GRM7: variants seen among roughly 807,000 people sequenced by gnomAD.
GRM7 encodes metabotropic glutamate receptor 7.
In GRM7, 35 loss-of-function variants were observed where a neutral mutation model predicts 84.5. The observed-to-expected ratio is 0.41, with a 90% confidence interval of 0.32 to 0.55. The LOEUF (loss-of-function observed/expected upper bound fraction) is 0.55, where lower values mean the gene tolerates loss of function less well. Among genes scored for constraint, GRM7 ranks in the 20% least tolerant of loss-of-function variants. The pLI is 0.19. For missense variants in GRM7, 1,003 were observed against 1,194.6 expected (o/e 0.84, Z 2.36); for synonymous variants, 487 against 455.1 (o/e 1.07, Z -0.89).
At chr3:7,212,064 A>G (rs1696449255) in intron 2 of GRM7, among the ~76,000 whole-genome samples, 1 of 151,740 alleles carries the variant, frequency 6.6e-6, no homozygotes, top group South Asian at 2.1e-4. Flanking sequence ...CTCAGCCTTT[A>G]CTTCACTGAC....
intron 8 of GRM7, among the ~76,000 whole-genome samples, chr3:7,622,010 C>T (rs915693635): frequency 2.0e-5 from 3 of 152,180 alleles, no homozygotes; most frequent in Non-Finnish European, 4.4e-5. Flanking sequence ...TGTACGTCTA[C>T]ATCCATTATC....
chr3:7,405,362 C>T (rs1695629101), intron 4 of GRM7, among the ~76,000 whole-genome samples: 1 of 152,062 alleles, frequency 6.6e-6, no homozygotes, highest in Non-Finnish European at 1.5e-5. Flanking sequence ...TTATAATTGA[C>T]ACATAATACT....
chr3:6,912,043 A>T (rs1696788826), intron 1 of GRM7, among the ~76,000 whole-genome samples: 1 of 152,128 alleles, frequency 6.6e-6, no homozygotes. Flanking sequence ...CCCTCTCCCA[A>T]CCATGTTCCA....
At chr3:7,589,015 T>A (rs567422343) in intron 8 of GRM7, among the ~76,000 whole-genome samples, 69 of 152,318 alleles carry the variant, frequency 4.5e-4, no homozygotes, top group African/African-American at 1.6e-3. Context: ...AGGCCAGATA[T>A]TTAGGCTGGC....
At chr3:7,483,123 G>C (rs1263271246) in intron 7 of GRM7, among the ~76,000 whole-genome samples, 1 of 152,104 alleles carries the variant, frequency 6.6e-6, no homozygotes, top group Non-Finnish European at 1.5e-5. Flanking sequence ...GATATTCATT[G>C]AACAACTACT....
chr3:7,308,737 A>G (rs1470127867), intron 4 of GRM7, among the ~76,000 whole-genome samples: 1 of 152,078 alleles, frequency 6.6e-6, no homozygotes, highest in Non-Finnish European at 1.5e-5. Flanking sequence ...ATTCAAGGAA[A>G]ACGAAGAACT....
intron 7 of GRM7, among the ~76,000 whole-genome samples, chr3:7,508,834 G>C (rs1010131299): frequency 7.2e-5 from 11 of 152,126 alleles, no homozygotes; most frequent in Admixed American, 2.6e-4. Context: ...CTTGCTATGA[G>C]TCCAGCACCA....
chr3:7,382,094 T>G (rs1476336407), intron 4 of GRM7, among the ~76,000 whole-genome samples: 1 of 152,216 alleles, frequency 6.6e-6, no homozygotes, highest in Non-Finnish European at 1.5e-5. Context: ...TATGAAATTC[T>G]TTATAATGAT....
At chr3:7,153,531 A>C (rs1407830018) in intron 2 of GRM7, among the ~76,000 whole-genome samples, 1 of 152,196 alleles carries the variant, frequency 6.6e-6, no homozygotes, top group Non-Finnish European at 1.5e-5. Context: ...TGCATGTTGA[A>C]TTTAAAAATA....
chr3:7,663,891 G>C (rs1699568765), intron 8 of GRM7, among the ~76,000 whole-genome samples: 1 of 152,132 alleles, frequency 6.6e-6, no homozygotes, highest in African/African-American at 2.4e-5. Flanking sequence ...TGACACCTGA[G>C]TCCAGTGGTT....
At chr3:7,330,955 G>C (rs1483282401) in intron 4 of GRM7, among the ~76,000 whole-genome samples, 1 of 152,136 alleles carries the variant, frequency 6.6e-6, no homozygotes, top group African/African-American at 2.4e-5. Context: ...ACCCTTCAGA[G>C]AGGCATCTCA....
At chr3:7,022,054 ACAGGGGTTCACACCTATAATCC>A in intron 1 of GRM7, among the ~76,000 whole-genome samples, 1 of 152,274 alleles carries the variant, frequency 6.6e-6, no homozygotes, top group South Asian at 2.1e-4. Flanking sequence ...TAGGCCGGGG[ACAGGGGTTCACACCTATAATCC>A]CAGCACTTTG....
chr3:7,642,079 C>T (rs1698388188), intron 8 of GRM7, among the ~76,000 whole-genome samples: 1 of 152,162 alleles, frequency 6.6e-6, no homozygotes, highest in Non-Finnish European at 1.5e-5. Context: ...AAAACAACCA[C>T]ATCTAGTGAA....
chr3:7,499,273 T>C (rs1428186247), intron 7 of GRM7, among the ~76,000 whole-genome samples: 3 of 152,166 alleles, frequency 2.0e-5, no homozygotes, highest in African/African-American at 4.8e-5. Context: ...TTCAGGCCTT[T>C]CCTAACCTAG....
chr3:7,575,163 T>G (rs1015806550), intron 7 of GRM7, among the ~76,000 whole-genome samples: 1 of 152,226 alleles, frequency 6.6e-6, no homozygotes, highest in Non-Finnish European at 1.5e-5. Flanking sequence ...TGTAAAGTTC[T>G]GTTCTCTTGC....
chr3:7,014,771 C>A (rs1396871781), intron 1 of GRM7, among the ~76,000 whole-genome samples: 4 of 152,070 alleles, frequency 2.6e-5, no homozygotes, highest in Non-Finnish European at 5.9e-5. Context: ...CATTGTATCC[C>A]CAACATCTAG....
chr3:6,995,904 A>G (rs1269991809), intron 1 of GRM7, among the ~76,000 whole-genome samples: 1 of 152,200 alleles, frequency 6.6e-6, no homozygotes, highest in Non-Finnish European at 1.5e-5. Flanking sequence ...ATAGAGGTTT[A>G]AAAAGATGTG....
chr3:7,048,354 T>C (rs577612612), intron 1 of GRM7, among the ~76,000 whole-genome samples: 2 of 151,986 alleles, frequency 1.3e-5, no homozygotes, highest in African/African-American at 4.8e-5. Context: ...TATAATACAA[T>C]GTACACAAAC....
At position 7,188,632 on chromosome 3, in the gene GRM7, A is replaced by C. The variant is rs144124333; in HGVS notation, c.736+41964A>C. 2.2e-4 allele frequency among the ~76,000 whole-genome samples: 34 copies of C among 152,276 alleles called. No homozygotes were observed. The East Asian group carries it at 5.6e-3, about 25-fold the overall frequency. On this transcript the variant is annotated intron_variant, in intron 2 of 9. Transcript: ENST00000357716. The surrounding 1 kb of genome is among the most constrained non-coding windows in gnomAD (Gnocchi z 4.2). ...AATAAAGGATCTACTTGAGTGTATA[A>C]GGGTTGGGGAGACAGTGGTGACACA...
Sources: gnomAD v4.1 joint callset for allele counts (sites outside exome capture counted in the v4.1 genomes callset) on GRCh38, gnomAD v4.1.1 for gene constraint, Gnocchi (gnomAD v3.1) non-coding constraint, MANE v1.5 for transcripts, NCBI Gene and HGNC (gene_info 2026-07-23, HGNC 2026-07-21) for gene names.